The following CHLSN variants were observed in gnomAD, a reference collection of about 807,000 sequenced individuals.
CHLSN encodes protein cholesin.
the CHLSN span, among the ~76,000 whole-genome samples, chr7:1,038,641 C>G: frequency 3.1e-5 from 2 of 63,518 alleles, no homozygotes; most frequent in Non-Finnish European, 5.7e-5. Flanking sequence ...CCAGCCGCCC[C>G]GTCCGGGAGG....
At chr7:1,038,325 G>A in the CHLSN span, among the ~76,000 whole-genome samples, 4 of 94,996 alleles carry the variant, frequency 4.2e-5, no homozygotes, top group South Asian at 3.7e-4. Flanking sequence ...CCCCCCGCCC[G>A]GCCAGCCACC....
At chr7:1,040,183 T>TTAAAAAAA in the CHLSN span, among the ~76,000 whole-genome samples, 6 of 74,532 alleles carry the variant, frequency 8.1e-5, no homozygotes, top group African/African-American at 2.7e-4. Flanking sequence ...AAAATAAATT[T>TTAAAAAAA]AAAAAAAAAA....
chr7:1,125,206 C>T, the CHLSN span, among the ~76,000 whole-genome samples: 1 of 152,248 alleles, frequency 6.6e-6, no homozygotes, highest in African/African-American at 2.4e-5. Context: ...CACACTCCAC[C>T]GTCCCGGGCA....
chr7:1,135,792 T>TATACAC, the CHLSN span, among the ~76,000 whole-genome samples: 3,739 of 106,328 alleles, frequency 0.035, 59 homozygotes, highest in African/African-American at 0.066. Context: ...TATATATATA[T>TATACAC]ACACAATTTA....
the CHLSN span, among the ~76,000 whole-genome samples, chr7:1,131,447 T>C: frequency 1.3e-5 from 2 of 151,990 alleles, no homozygotes; most frequent in African/African-American, 2.4e-5. Flanking sequence ...TGCACAAGGG[T>C]TCCCCCCATC....
chr7:1,074,292 A>G, the CHLSN span, among the ~76,000 whole-genome samples: 2 of 53,126 alleles, frequency 3.8e-5, no homozygotes, highest in East Asian at 1.1e-3. Flanking sequence ...TCCCGCTGCC[A>G]TCACGCCTCC....
chr7:1,032,555 C>T, the CHLSN span, among the ~76,000 whole-genome samples: 2 of 143,258 alleles, frequency 1.4e-5, no homozygotes, highest in Admixed American at 1.4e-4. Context: ...CCTCAGAGGC[C>T]GCAGCCACCC....
the CHLSN span, among the ~76,000 whole-genome samples, chr7:1,030,932 G>A: frequency 2.6e-5 from 4 of 152,182 alleles, no homozygotes; most frequent in South Asian, 2.1e-4. Context: ...CTCCACAAAC[G>A]CACCAGTCCA....
chr7:1,062,393 T>C, the CHLSN span, among the ~76,000 whole-genome samples: 1 of 152,220 alleles, frequency 6.6e-6, no homozygotes, highest in Admixed American at 6.5e-5. Flanking sequence ...TACGTCTTAA[T>C]ACTTTCGGTT....
the CHLSN span, chr7:997,931 G>A: frequency 1.2e-6 from 1 of 827,194 alleles, no homozygotes; most frequent in Non-Finnish European, 1.9e-6. Flanking sequence ...GCGGCCCGAG[G>A]GTGTGGGCGG....
the CHLSN span, among the ~76,000 whole-genome samples, chr7:1,033,945 C>G: frequency 6.6e-6 from 1 of 152,236 alleles, no homozygotes; most frequent in Admixed American, 6.5e-5. Context: ...CCACTGCTAT[C>G]CAGCATCAGG....
At chr7:1,020,026 C>T in the CHLSN span, among the ~76,000 whole-genome samples, 4 of 152,330 alleles carry the variant, frequency 2.6e-5, no homozygotes, top group South Asian at 2.1e-4. Flanking sequence ...TCCAGCGAGG[C>T]GGCAGGTGGC....
At chr7:1,046,987 A>G in the CHLSN span, among the ~76,000 whole-genome samples, 2 of 152,240 alleles carry the variant, frequency 1.3e-5, no homozygotes, top group Non-Finnish European at 2.9e-5. Context: ...GCAGGTGCCA[A>G]GCCTGCCCAG....
chr7:1,024,422 A>G, the CHLSN span: 1 of 152,278 alleles, frequency 6.6e-6, no homozygotes, highest in Non-Finnish European at 1.5e-5. Context: ...AAACGGACCC[A>G]TGGGACAGGA....
the CHLSN span, among the ~76,000 whole-genome samples, chr7:1,071,645 G>A: frequency 2.0e-5 from 3 of 152,310 alleles, no homozygotes; most frequent in East Asian, 3.9e-4. Flanking sequence ...ACAGGTTCAG[G>A]AGACGCAAAG....
chr7:1,100,397 C>A, the CHLSN span, among the ~76,000 whole-genome samples: 11 of 152,242 alleles, frequency 7.2e-5, no homozygotes, highest in Non-Finnish European at 1.3e-4. Context: ...GGCAAAGCCA[C>A]ACCTGTGGGT....
the CHLSN span, among the ~76,000 whole-genome samples, chr7:1,124,309 G>C: frequency 6.6e-6 from 1 of 151,834 alleles, no homozygotes; most frequent in African/African-American, 2.4e-5. Context: ...AGCGGCCTGT[G>C]TGGGGATCTG....
chr7:1,079,201 C>T, the CHLSN span, among the ~76,000 whole-genome samples: 1 of 152,288 alleles, frequency 6.6e-6, no homozygotes, highest in South Asian at 2.1e-4. Context: ...CCAAGCCACT[C>T]GAAGCTGACA....
chr7:1,124,803 G>C, the CHLSN span, among the ~76,000 whole-genome samples: 1 of 151,972 alleles, frequency 6.6e-6, no homozygotes, highest in Non-Finnish European at 1.5e-5. Flanking sequence ...ACAGCCTGCG[G>C]AGGAGGAGCC....
Sources: allele counts gnomAD v4.1 joint callset (sites outside exome capture counted in the v4.1 genomes callset), GRCh38; gene constraint gnomAD v4.1.1; transcripts MANE v1.5; gene names NCBI Gene and HGNC (gene_info 2026-07-23, HGNC 2026-07-21).